The following CASQ1 variants were observed in gnomAD, a reference collection of about 807,000 sequenced individuals.
CASQ1 encodes the protein calsequestrin 1, also known as calsequestrin-1.
CASQ1 carries 40 observed loss-of-function variants against 49.5 expected under a neutral mutation model. That is an observed-to-expected ratio of 0.81 (90% confidence interval 0.63 to 1.05). The LOEUF (loss-of-function observed/expected upper bound fraction) is 1.05, where lower values mean the gene tolerates loss of function less well. Ranked by LOEUF, CASQ1 falls within the 50% of genes least tolerant of loss-of-function variation. The pLI is 0.00. For synonymous variants in CASQ1, 174 were observed against 187.2 expected (o/e 0.93, Z 0.58); for missense variants, 469 against 486.9 (o/e 0.96, Z 0.35).
intron 3 of CASQ1, among the ~76,000 whole-genome samples, chr1:160,194,651 T>C (rs1654175469): frequency 7.2e-6 from 1 of 139,718 alleles, no homozygotes; most frequent in Non-Finnish European, 1.5e-5. Flanking sequence ...TTCACACACA[T>C]CACACACATG....
chr1:160,201,029 G>A (rs1474031733), intron 10 of CASQ1, among the ~76,000 whole-genome samples: 2 of 152,156 alleles, frequency 1.3e-5, no homozygotes, highest in African/African-American at 4.8e-5. Flanking sequence ...GAAGGGAGAA[G>A]GTCTATTTGC....
chr1:160,195,658 C>CCCT (rs1654205995), intron 5 of CASQ1, 124 bp downstream of exon 5: 1 of 825,838 alleles, frequency 1.2e-6, no homozygotes, highest in Non-Finnish European at 2.0e-6. Flanking sequence ...ACCTGCCCCC[C>CCCT]CCCCCGGCTC....
intron 10 of CASQ1, among the ~76,000 whole-genome samples, chr1:160,201,043 T>C (rs1381671485): frequency 6.7e-6 from 1 of 149,606 alleles, no homozygotes; most frequent in Non-Finnish European, 1.5e-5. Context: ...TATTTGCCAA[T>C]CCAACTTTTC....
chr1:160,193,121 G>A (rs61803844), intron 2 of CASQ1, among the ~76,000 whole-genome samples: 28,508 of 152,124 alleles, frequency 0.19, 2,942 homozygotes, highest in South Asian at 0.33. Flanking sequence ...AGGTGGGGGA[G>A]GCCTTCTTTA....
Position 160,201,440 on chromosome 1 carries a change from C to T in CASQ1, c.*64C>T. 2 of 1,575,624 alleles carry T rather than the reference C, an allele frequency of 1.3e-6. No individual in the cohort carries two copies. Among genetic ancestry groups the T allele is most frequent in the Non-Finnish European group, 1.7e-6 (2 of 1,151,998 alleles). On this transcript the variant is annotated 3_prime_UTR_variant, in exon 11 of 11. Coordinates refer to ENST00000368078, the MANE Select transcript of CASQ1 (RefSeq NM_001231.5). ...CATGCTCTCTCCTGCCTTCCCTTGT[C>T]CTTCCCTGAGTTCCTCCAGGGAGAC...
In CASQ1 at chr1:160,201,291, CT is replaced by C; in HGVS notation, c.1107del (p.Ala370LeufsTer52). 1 of 1,613,748 alleles carries C rather than the reference CT, an allele frequency of 6.2e-7. No individual in the cohort carries two copies. Among genetic ancestry groups the C allele is most frequent in the African/African-American group, 1.3e-5 (1 of 75,034 alleles). Reference sequence around the variant, plus strand: ...ATGGACGATGAGGAGGACCTGCCTTCTGCTGAGGAGCTGGAGGACTGGCTGG... The same window carrying C: ...ATGGACGATGAGGAGGACCTGCCTTCGCTGAGGAGCTGGAGGACTGGCTGG... Reference protein sequence around the residue: ...MEMDDEEDLPSAEELEDWLED... With the variant: ...MEMDDEEDLPXAEELEDWLED... On this transcript the variant is annotated frameshift_variant, in exon 11 of 11. Coordinates refer to ENST00000368078, the MANE Select transcript of CASQ1 (RefSeq NM_001231.5). LOFTEE classifies it high-confidence loss of function.
In CASQ1 at chr1:160,190,688, G is replaced by T; in HGVS notation, c.-64G>T. 1 of 1,526,086 alleles carries T rather than the reference G, an allele frequency of 6.6e-7. No homozygotes were observed. Among genetic ancestry groups the T allele is most frequent in the Non-Finnish European group, 8.9e-7 (1 of 1,125,010 alleles). 94.5% of individuals were successfully genotyped at this position (1,526,086 alleles called of 1,614,324 possible). A position where few individuals can be genotyped will look rare whatever the true frequency, so the allele number is the denominator to read the frequency against. On this transcript the variant is annotated 5_prime_UTR_variant, in exon 1 of 11. Coordinates refer to ENST00000368078, the MANE Select transcript of CASQ1 (RefSeq NM_001231.5). ...CTAACTCAGAATCTGGGACCCAGGG[G>T]CCCCTCCCTACCCCAGCTAACCTCT...
intron 6 of CASQ1, among the ~76,000 whole-genome samples, chr1:160,196,625 G>A (rs927140569): frequency 4.6e-5 from 7 of 151,960 alleles, no homozygotes; most frequent in South Asian, 4.1e-4. Context: ...TTACAGGCAC[G>A]CCACCACACC....
At chr1:160,192,676 G>A (rs1421196922) in intron 1 of CASQ1, 126 bp from the exon 2 acceptor site, 2 of 757,716 alleles carry the variant, frequency 2.6e-6, no homozygotes, top group Non-Finnish European at 4.6e-6. Context: ...CTGGATCTTA[G>A]CAAAGGGTCA....
intron 3 of CASQ1, among the ~76,000 whole-genome samples, 179 bp from the exon 4 acceptor site, chr1:160,194,831 CCA>C (rs1654180048): frequency 6.6e-6 from 1 of 151,662 alleles, no homozygotes; most frequent in African/African-American, 2.4e-5. Context: ...CACATGCACA[CCA>C]CACACTGCAC....
chr1:160,191,542 A>T (rs1392955706), intron 1 of CASQ1, among the ~76,000 whole-genome samples: 1 of 151,742 alleles, frequency 6.6e-6, no homozygotes, highest in Non-Finnish European at 1.5e-5. Flanking sequence ...CTCCCATTGG[A>T]CTCCCAGTCC....
intron 7 of CASQ1, among the ~76,000 whole-genome samples, 190 bp from the exon 8 acceptor site, chr1:160,198,487 G>A (rs1447727955): frequency 2.0e-5 from 3 of 152,004 alleles, no homozygotes; most frequent in Admixed American, 6.5e-5. Context: ...CTGGGGGACA[G>A]AGTGAAACTC....
In CASQ1 at chr1:160,191,160, G is replaced by C. The variant is rs115990089; in HGVS notation, c.279+130G>C. ...GGCAGTGTGGTAGGAACCCTGTCCT[G>C]ACCAACAGGATGCAAGTGGCATGTG... On this transcript the variant is annotated intron_variant, in intron 1 of 10. Transcript: ENST00000368078. The C allele has an allele frequency of 4.6e-3, 4,209 of 910,856 alleles. 109 individuals carry two copies. The African/African-American group carries it at 0.062, about 13-fold the overall frequency. The allele number at this position is 910,856 out of a possible 1,614,324, so 56.4% of individuals were successfully genotyped here. A position where few individuals can be genotyped will look rare whatever the true frequency, so the allele number is the denominator to read the frequency against.
At chr1:160,195,874 C>T in intron 5 of CASQ1, 23 bp from the exon 6 acceptor site, 1 of 1,611,788 alleles carries the variant, frequency 6.2e-7, no homozygotes, top group Non-Finnish European at 8.5e-7. Flanking sequence ...TGCTCCACTC[C>T]CCTCCTACCC....
chr1:160,197,261 C>T (rs776958163), intron 6 of CASQ1, among the ~76,000 whole-genome samples: 10 of 152,208 alleles, frequency 6.6e-5, no homozygotes, highest in Non-Finnish European at 1.0e-4. Flanking sequence ...TAGAACATAT[C>T]GGGCACTCAA....
chr1:160,201,271 C>T lies in CASQ1; in HGVS notation c.1086C>T (p.Asp362=), dbSNP rs764442615. ...TDADSVWMEM[D]DEEDLPSAEE... is the part of the protein sequence containing the mutation. ...CGGATAGCGTATGGATGGAAATGGA[C>T]GATGAGGAGGACCTGCCTTCTGCTG... The change falls in exon 11 of 11, where the codon GAC becomes GAT. Residue 362 remains aspartate, a synonymous_variant. Transcript: ENST00000368078. 26 of 1,613,184 alleles carry T rather than the reference C, an allele frequency of 1.6e-5. No homozygotes were observed. The highest frequency in any genetic ancestry group is 6.7e-5 in the East Asian group (3 of 44,868).
chr1:160,199,785 C>A (rs1654327747), intron 9 of CASQ1, 66 bp from the exon 10 acceptor site: 2 of 1,123,846 alleles, frequency 1.8e-6, no homozygotes, highest in East Asian at 2.3e-5. Context: ...GACCCTCACA[C>A]TCATCCTCCT....
At position 160,192,972 on chromosome 1, in the gene CASQ1, G is replaced by A. The variant is rs1230321887; in HGVS notation, c.364+86G>A. Reference sequence around the variant, plus strand: ...GGAGGACCTGTCAGGCAGTCCTTGGGATCCGAGGGGCTTGGGAATCTCTCA... The same window carrying A: ...GGAGGACCTGTCAGGCAGTCCTTGGAATCCGAGGGGCTTGGGAATCTCTCA... On this transcript the variant is annotated intron_variant, in intron 2 of 10. Transcript: ENST00000368078. 5.0e-6 allele frequency: 5 copies of A among 1,002,176 alleles called. No individual in the cohort carries two copies. The Admixed American group carries it at 9.1e-5, about 18-fold the overall frequency. 62.1% of individuals were successfully genotyped at this position (1,002,176 alleles called of 1,614,324 possible). A position where few individuals can be genotyped will look rare whatever the true frequency, so the allele number is the denominator to read the frequency against.
rs772513764 is a variant in CASQ1 at position 160,195,925 on chromosome 1, A to G, written c.680A>G (p.Asn227Ser). 2 of 1,613,906 alleles carry G rather than the reference A, an allele frequency of 1.2e-6. No homozygotes were observed. Among genetic ancestry groups the G allele is most frequent in the Non-Finnish European group, 1.7e-6 (2 of 1,179,918 alleles). The change falls in exon 6 of 11, where the codon AAT becomes AGT. Residue 227 changes from asparagine to serine, a missense_variant. By Grantham distance (46) the Asn-to-Ser change is conservative (BLOSUM62 1). Coordinates refer to ENST00000368078, the MANE Select transcript of CASQ1 (RefSeq NM_001231.5). ...KVAKKLTLKL[N>S]EIDFYEAFME... is the part of the protein sequence containing the mutation. ...GCAAAGAAGCTGACCCTGAAGCTGAATGAGATTGATTTCTACGAGGCCTTC... is the reference window on the plus strand; with the variant it reads ...GCAAAGAAGCTGACCCTGAAGCTGAGTGAGATTGATTTCTACGAGGCCTTC...
Sources: gnomAD v4.1 joint callset for allele counts (sites outside exome capture counted in the v4.1 genomes callset) on GRCh38, gnomAD v4.1.1 for gene constraint, MANE v1.5 for transcripts, NCBI Gene and HGNC (gene_info 2026-07-23, HGNC 2026-07-21) for gene names.